ESYT2: variants seen among roughly 807,000 people sequenced by gnomAD.
ESYT2 encodes the protein extended synaptotagmin 2, also known as extended synaptotagmin-2.
Under a neutral mutation model 107.2 loss-of-function variants are expected in ESYT2, and 54 were observed. That is an observed-to-expected ratio of 0.50 (90% CI 0.40 to 0.63). The LOEUF (loss-of-function observed/expected upper bound fraction) is 0.63. Ranked by LOEUF, ESYT2 falls within the 30% of genes least tolerant of loss-of-function variation. The probability of loss-of-function intolerance (pLI) is 0.00; values close to 1 mark genes in which losing one functional copy is unlikely to be tolerated. For missense variants in ESYT2, 1,020 were observed against 1,094.5 expected (o/e 0.93, Z 0.96); for synonymous variants, 491 against 434.1 (o/e 1.13, Z -1.63).
At chr7:158,767,160 A>G (rs1438986750) in intron 8 of ESYT2, among the ~76,000 whole-genome samples, 1 of 152,220 alleles carries the variant, frequency 6.6e-6, no homozygotes, top group Non-Finnish European at 1.5e-5. Flanking sequence ...CATTTTATCC[A>G]GGGCAGCTGT....
At chr7:158,825,135 A>C (rs1444874540) in intron 1 of ESYT2, among the ~76,000 whole-genome samples, 1 of 152,004 alleles carries the variant, frequency 6.6e-6, no homozygotes, top group Admixed American at 6.5e-5. Flanking sequence ...TCTACTAAAA[A>C]CACAAAAATT....
intron 13 of ESYT2, among the ~76,000 whole-genome samples, chr7:158,753,877 G>A (rs1298373724): frequency 6.6e-6 from 1 of 152,154 alleles, no homozygotes; most frequent in Non-Finnish European, 1.5e-5. Context: ...TGCCCGGAAG[G>A]ACTGACATTC....
At position 158,731,107 on chromosome 7, in the gene ESYT2, T is replaced by C. The variant is rs1324352774; in HGVS notation, c.*3100A>G. 6.6e-6 allele frequency: 1 copy of C among 151,824 alleles called. No homozygotes were observed. The highest frequency in any genetic ancestry group is 2.4e-5 in the African/African-American group (1 of 41,166). The allele number at this position is 151,824 out of a possible 1,614,324, so 9.4% of individuals were successfully genotyped here. On this transcript the variant is annotated 3_prime_UTR_variant, in exon 23 of 23. Transcript: ENST00000275418. Reference sequence around the variant, plus strand: ...ACCCCCATCCCCCACCGCTGTTCTCTATTTGCAGTGGGGGGTCCAGCTGGA... The same window carrying C: ...ACCCCCATCCCCCACCGCTGTTCTCCATTTGCAGTGGGGGGTCCAGCTGGA...
At chr7:158,777,715 GC>G (rs1038680156) in intron 6 of ESYT2, among the ~76,000 whole-genome samples, 1 of 152,026 alleles carries the variant, frequency 6.6e-6, no homozygotes, top group Non-Finnish European at 1.5e-5. Context: ...TTCATAAAAT[GC>G]CCAGTCTCAG....
At chr7:158,776,855 CT>C (rs746847104) in intron 6 of ESYT2, among the ~76,000 whole-genome samples, 231 of 140,264 alleles carry the variant, frequency 1.6e-3, no homozygotes, top group Middle Eastern at 3.6e-3. Context: ...TCTAGCTTCG[CT>C]TTTTTTTTTT....
intron 6 of ESYT2, among the ~76,000 whole-genome samples, chr7:158,775,560 C>CT (rs1838533073): frequency 6.6e-6 from 1 of 152,168 alleles, no homozygotes; most frequent in Non-Finnish European, 1.5e-5. Flanking sequence ...AAACCACTTT[C>CT]TTTGTTAGTC....
chr7:158,789,639 G>A (rs1025357274), intron 4 of ESYT2, among the ~76,000 whole-genome samples: 4 of 152,308 alleles, frequency 2.6e-5, no homozygotes, highest in Admixed American at 1.3e-4. Context: ...TAACAGGCAT[G>A]AGCCACCGCA....
chr7:158,749,035 C>T (rs530249756), intron 15 of ESYT2, among the ~76,000 whole-genome samples: 1 of 152,116 alleles, frequency 6.6e-6, no homozygotes, highest in Non-Finnish European at 1.5e-5. Flanking sequence ...TCAAGACAAA[C>T]TTAGGAATTG....
chr7:158,774,093 C>T (rs1021156684), intron 6 of ESYT2, among the ~76,000 whole-genome samples: 7 of 152,202 alleles, frequency 4.6e-5, no homozygotes, highest in Non-Finnish European at 7.3e-5. Context: ...AGAAATACCG[C>T]TTTTCCTAAC....
intron 13 of ESYT2, among the ~76,000 whole-genome samples, chr7:158,758,114 C>T (rs1189193): frequency 0.94 from 143,570 of 152,306 alleles, 67,722 homozygotes; most frequent in Middle Eastern, 0.96. Context: ...AAGAATTCTT[C>T]TAAGAAGTTA....
intron 1 of ESYT2, among the ~76,000 whole-genome samples, chr7:158,810,765 T>G (rs1839972153): frequency 6.6e-6 from 1 of 151,936 alleles, no homozygotes; most frequent in African/African-American, 2.4e-5. Context: ...TGTCTTCCTC[T>G]AGAGACAAAG....
chr7:158,771,441 G>T (rs1016841650), intron 7 of ESYT2, among the ~76,000 whole-genome samples: 1 of 152,260 alleles, frequency 6.6e-6, no homozygotes, highest in Non-Finnish European at 1.5e-5. Flanking sequence ...TTCTGTAGGG[G>T]TGTATGTGAG....
intron 1 of ESYT2, among the ~76,000 whole-genome samples, chr7:158,814,533 G>C (rs1421830719): frequency 6.6e-6 from 1 of 152,002 alleles, no homozygotes; most frequent in Non-Finnish European, 1.5e-5. Flanking sequence ...TACTCTCACA[G>C]ATGTGAAACA....
intron 8 of ESYT2, among the ~76,000 whole-genome samples, chr7:158,765,966 G>A (rs761621370): frequency 2.6e-5 from 4 of 152,122 alleles, no homozygotes; most frequent in Middle Eastern, 6.8e-3. Flanking sequence ...TTGGGAGGCC[G>A]AGGTGGGCGG....
Position 158,733,929 on chromosome 7 carries a change from T to C in ESYT2, c.*278A>G. 1 of 449,688 alleles carries C rather than the reference T, an allele frequency of 2.2e-6. No homozygotes were observed. Among genetic ancestry groups the C allele is most frequent in the Non-Finnish European group, 4.0e-6 (1 of 246,924 alleles). The allele number at this position is 449,688 out of a possible 1,614,324, so 27.9% of individuals were successfully genotyped here. A position where few individuals can be genotyped will look rare whatever the true frequency, so the allele number is the denominator to read the frequency against. On this transcript the variant is annotated 3_prime_UTR_variant, in exon 23 of 23. Transcript: ENST00000275418. Reference sequence around the variant, plus strand: ...ATAAAGCACAGACACATCCGACTCCTACGGACACAGCTGAGCAGAGTCCAC... The same window carrying C: ...ATAAAGCACAGACACATCCGACTCCCACGGACACAGCTGAGCAGAGTCCAC...
chr7:158,768,190 A>T (rs1428211019), intron 7 of ESYT2, among the ~76,000 whole-genome samples: 1 of 152,188 alleles, frequency 6.6e-6, no homozygotes, highest in African/African-American at 2.4e-5. Context: ...AACTATTTCA[A>T]ACATACATAT....
At chr7:158,777,412 T>G (rs552493275) in intron 6 of ESYT2, among the ~76,000 whole-genome samples, 1 of 152,170 alleles carries the variant, frequency 6.6e-6, no homozygotes, top group South Asian at 2.1e-4. Flanking sequence ...GTAATCTCCA[T>G]GTGTTGAGGG....
intron 1 of ESYT2, among the ~76,000 whole-genome samples, chr7:158,807,254 GAAAAAAAAA>G (rs372309924): frequency 1.7e-5 from 2 of 117,236 alleles, no homozygotes; most frequent in African/African-American, 6.6e-5. Context: ...CCGTCTGAAG[GAAAAAAAAA>G]AAAAAAAAAG....
chr7:158,812,137 G>A (rs560715953), intron 1 of ESYT2, among the ~76,000 whole-genome samples: 2 of 152,338 alleles, frequency 1.3e-5, no homozygotes, highest in South Asian at 4.1e-4. Flanking sequence ...ACCCACCCTG[G>A]AGAGGGCAGC....
Sources: gnomAD v4.1 joint callset for allele counts (sites outside exome capture counted in the v4.1 genomes callset) on GRCh38, gnomAD v4.1.1 for gene constraint, MANE v1.5 for transcripts, NCBI Gene and HGNC (gene_info 2026-07-23, HGNC 2026-07-21) for gene names.